Variants in NF1 observed in about 807,000 individuals in gnomAD.
The protein encoded by NF1 is neurofibromin.
NF1 carries 122 observed loss-of-function variants against 325.7 expected under a neutral mutation model. That is an observed-to-expected ratio of 0.37 (90% CI 0.32 to 0.44). NF1 has a LOEUF of 0.44. Ranked by LOEUF, NF1 falls within the 20% of genes least tolerant of loss-of-function variation. The pLI is 1.00. For missense variants in NF1, 2,140 were observed against 3,415.4 expected (o/e 0.63, Z 9.31); for synonymous variants, 1,091 against 1,186.0 (o/e 0.92, Z 1.65).
intron 36 of NF1, among the ~76,000 whole-genome samples, chr17:31,315,707 G>A (rs532955188): frequency 1.3e-5 from 2 of 152,252 alleles, no homozygotes; most frequent in East Asian, 1.9e-4. Flanking sequence ...TTAAATAAAT[G>A]TAAAGTGCCT....
chr17:31,101,157 G>C (rs963540118), intron 1 of NF1, among the ~76,000 whole-genome samples: 7 of 151,856 alleles, frequency 4.6e-5, no homozygotes, highest in African/African-American at 1.7e-4. Flanking sequence ...TCCTGCCTCT[G>C]CTTGATTGCT....
At chr17:31,142,840 C>T (rs1483246414) in intron 1 of NF1, among the ~76,000 whole-genome samples, 1 of 150,662 alleles carries the variant, frequency 6.6e-6, no homozygotes, top group East Asian at 1.9e-4. Flanking sequence ...GTACTCCAGC[C>T]TGGGCGATAG....
At chr17:31,361,756 C>T (rs181714966) in intron 57 of NF1, among the ~76,000 whole-genome samples, 20 of 152,282 alleles carry the variant, frequency 1.3e-4, no homozygotes, top group Admixed American at 1.1e-3. Flanking sequence ...CTCAGTTTTG[C>T]ATGAACATTT....
In NF1 at chr17:31,335,290, A is replaced by ATATATATG. The variant is rs371429803; in HGVS notation, c.6006+265_6006+266insTGTATATA. Reference sequence around the variant, plus strand: ...AAGGCATAATTATATATATATATATATATATAATTATGCCTTGAAGGAGAC... The same window carrying ATATATATG: ...AAGGCATAATTATATATATATATATATATATATGTATATAATTATGCCTTGAAGGAGAC... On this transcript the variant is annotated intron_variant, in intron 40 of 57. Coordinates refer to ENST00000358273, the MANE Select transcript of NF1 (RefSeq NM_001042492.3). Among the ~76,000 whole-genome samples the ATATATATG allele has an allele frequency of 1.2e-3, 85 of 71,522 alleles. 4 individuals are homozygous for ATATATATG. The highest frequency in any genetic ancestry group is 0.016 in the Middle Eastern group (2 of 126). 46.9% of individuals were successfully genotyped at this position (71,522 alleles called of 152,430 possible).
chr17:31,285,638 A>T (rs1395998051), intron 36 of NF1, among the ~76,000 whole-genome samples: 1 of 152,186 alleles, frequency 6.6e-6, no homozygotes, highest in Non-Finnish European at 1.5e-5. Context: ...GCTTGAGCCC[A>T]GGAGCTCGAG....
chr17:31,363,147 C>T (rs1441674411), intron 57 of NF1, among the ~76,000 whole-genome samples: 1 of 152,122 alleles, frequency 6.6e-6, no homozygotes, highest in African/African-American at 2.4e-5. Flanking sequence ...TTCAACTCTT[C>T]CTGTCACTCA....
rs57737463 is a variant in NF1, at chr17:31,130,084, G to GT, written c.61-25886dup. Among the ~76,000 whole-genome samples the GT allele has an allele frequency of 3.0e-3, 419 of 138,410 alleles. 4 individuals are homozygous for GT. The South Asian group carries it at 0.041, about 14-fold the overall frequency. The allele number at this position is 138,410 out of a possible 152,430, so 90.8% of individuals were successfully genotyped here. A position where few individuals can be genotyped will look rare whatever the true frequency, so the allele number is the denominator to read the frequency against. On this transcript the variant is annotated intron_variant, in intron 1 of 57. Coordinates refer to ENST00000358273, the MANE Select transcript of NF1 (RefSeq NM_001042492.3). ...GTCTTTGAAGTCGCTGTTTTTTTTTGTTTTTTTTTTTTTATCCTATATGAT... is the reference window on the plus strand; with the variant it reads ...GTCTTTGAAGTCGCTGTTTTTTTTTGTTTTTTTTTTTTTTATCCTATATGAT...
rs864622178 is a variant in NF1, at chr17:31,261,864, T to C, written c.4724+7T>C. On this transcript the variant is annotated splice_region_variant and intron_variant, in intron 35 of 57. Coordinates refer to ENST00000358273, the MANE Select transcript of NF1 (RefSeq NM_001042492.3). ...TTGAGGAATTTATGACTAGGTAAAG[T>C]ACAACCTTGAAATAGTTGATTGCTT... 5 of 1,612,838 alleles carry C rather than the reference T, an allele frequency of 3.1e-6. No individual in the cohort carries two copies. The highest frequency in any genetic ancestry group is 1.1e-5 in the South Asian group (1 of 91,016).
intron 8 of NF1, among the ~76,000 whole-genome samples, chr17:31,188,968 A>G (rs1597667470): frequency 1.3e-5 from 2 of 152,292 alleles, no homozygotes; most frequent in South Asian, 2.1e-4. Context: ...TCCCCTTTGT[A>G]TAAGTATCTA....
At chr17:31,262,790 T>C (rs1402996300) in intron 35 of NF1, among the ~76,000 whole-genome samples, 1 of 152,214 alleles carries the variant, frequency 6.6e-6, no homozygotes, top group African/African-American at 2.4e-5. Flanking sequence ...CTAGATTTTT[T>C]TTAGTGTAAC....
chr17:31,326,985 GGC>G (rs1567612071), intron 37 of NF1, among the ~76,000 whole-genome samples: 5 of 41,296 alleles, frequency 1.2e-4, no homozygotes, highest in Admixed American at 4.2e-4. Context: ...GGAGTGCAGT[GGC>G]GTGATCTCAG....
chr17:31,216,664 T>C (rs953643841), intron 13 of NF1, among the ~76,000 whole-genome samples: 2 of 152,102 alleles, frequency 1.3e-5, no homozygotes, highest in Non-Finnish European at 2.9e-5. Flanking sequence ...CCCTCTCAGC[T>C]TGAACCCTTT....
intron 8 of NF1, among the ~76,000 whole-genome samples, chr17:31,192,086 A>G (rs2066353445): frequency 6.6e-6 from 1 of 152,224 alleles, no homozygotes; most frequent in Non-Finnish European, 1.5e-5. Context: ...AAAAAGAAAT[A>G]TTTGAAATGT....
intron 1 of NF1, among the ~76,000 whole-genome samples, chr17:31,149,197 A>G (rs1180530789): frequency 6.6e-6 from 1 of 151,918 alleles, no homozygotes; most frequent in Non-Finnish European, 1.5e-5. Context: ...TACATTTTAT[A>G]CATGTCTTTT....
At chr17:31,372,762 T>C (rs1385619457) in intron 57 of NF1, among the ~76,000 whole-genome samples, 1 of 152,156 alleles carries the variant, frequency 6.6e-6, no homozygotes, top group Non-Finnish European at 1.5e-5. Context: ...ATGCTTGTAA[T>C]CCCAGAACTT....
chr17:31,242,364 G>A (rs911901886), intron 29 of NF1, among the ~76,000 whole-genome samples: 2 of 120,826 alleles, frequency 1.7e-5, no homozygotes, highest in African/African-American at 3.3e-5. Flanking sequence ...CGCCCAGGCT[G>A]CAGTGCAATG....
intron 29 of NF1, among the ~76,000 whole-genome samples, chr17:31,245,815 T>G (rs1220070400): frequency 6.6e-6 from 1 of 152,126 alleles, no homozygotes; most frequent in Non-Finnish European, 1.5e-5. Flanking sequence ...CATGATTGAT[T>G]AAATCATGGG....
intron 38 of NF1, 111 bp from the exon 39 acceptor site, chr17:31,330,185 A>G (rs2069444882): frequency 1.1e-6 from 1 of 915,152 alleles, no homozygotes; most frequent in Non-Finnish European, 1.7e-6. Context: ...TAAAATTTAA[A>G]AATAGTTGAT....
Position 31,163,180 on chromosome 17 carries a change from T to C in NF1, c.289-6T>C, listed in dbSNP as rs757074803. 5.0e-6 allele frequency: 8 copies of C among 1,613,862 alleles called. No individual in the cohort carries two copies. The highest frequency in any genetic ancestry group is 6.8e-6 in the Non-Finnish European group (8 of 1,179,806). On this transcript the variant is annotated splice_region_variant and splice_polypyrimidine_tract_variant and intron_variant, in intron 3 of 57. Coordinates refer to ENST00000358273, the MANE Select transcript of NF1 (RefSeq NM_001042492.3). ...GTTTAGAATAATGTGATTATTTCTA[T>C]TTTAGCAACCAAAGGACACAATGAG... is the stretch of plus-strand genomic sequence containing the variant.
Sources: gnomAD v4.1 joint callset for allele counts (sites outside exome capture counted in the v4.1 genomes callset) on GRCh38, gnomAD v4.1.1 for gene constraint, MANE v1.5 for transcripts, NCBI Gene and HGNC (gene_info 2026-07-23, HGNC 2026-07-21) for gene names.